Variants in PHACTR1 observed in about 807,000 individuals in gnomAD.
PHACTR1 encodes RPEL repeat containing 1.
PHACTR1 carries 16 observed loss-of-function variants against 69.2 expected under a neutral mutation model. That is an observed-to-expected ratio of 0.23 (90% CI 0.16 to 0.35). The LOEUF is 0.35. Ranked by LOEUF, PHACTR1 falls within the 10% of genes least tolerant of loss-of-function variation. PHACTR1 has a pLI of 1.00. For missense variants in PHACTR1, 510 were observed against 734.7 expected (o/e 0.69, Z 3.54); for synonymous variants, 312 against 284.5 (o/e 1.10, Z -0.97).
intron 4 of PHACTR1, among the ~76,000 whole-genome samples, chr6:12,866,832 G>A (rs1452372734): frequency 3.3e-5 from 5 of 152,208 alleles, no homozygotes; most frequent in East Asian, 1.9e-4. Flanking sequence ...CAAGTGGCCC[G>A]TAGGTGCTAA....
chr6:13,225,593 T>G (rs1769490747), intron 8 of PHACTR1, among the ~76,000 whole-genome samples: 1 of 152,202 alleles, frequency 6.6e-6, no homozygotes, highest in South Asian at 2.1e-4. Flanking sequence ...CTTTGCATTT[T>G]TCTCTCTTCT....
At chr6:12,825,538 G>T (rs1776703191) in intron 4 of PHACTR1, among the ~76,000 whole-genome samples, 1 of 152,162 alleles carries the variant, frequency 6.6e-6, no homozygotes, top group African/African-American at 2.4e-5. Flanking sequence ...CAGCCAATTT[G>T]TATTTTGAAG....
intron 4 of PHACTR1, among the ~76,000 whole-genome samples, chr6:12,817,792 T>C (rs9395143): frequency 0.98 from 149,722 of 152,108 alleles, 73,732 homozygotes; most frequent in Middle Eastern, 1. Context: ...GGAAGATCAC[T>C]ACCAATTAAA....
At chr6:13,212,049 G>C (rs1479814991) in intron 8 of PHACTR1, among the ~76,000 whole-genome samples, 1 of 152,142 alleles carries the variant, frequency 6.6e-6, no homozygotes, top group Non-Finnish European at 1.5e-5. Context: ...GCTTGTAGGT[G>C]GTGTCTTCTC....
intron 3 of PHACTR1, among the ~76,000 whole-genome samples, chr6:12,729,550 A>G (rs981393270): frequency 2.0e-5 from 3 of 152,192 alleles, no homozygotes; most frequent in African/African-American, 7.2e-5. Flanking sequence ...GTAGAGGTGG[A>G]GAATGGCGTA....
At chr6:13,000,854 T>C (rs1249839911) in intron 4 of PHACTR1, among the ~76,000 whole-genome samples, 2 of 152,240 alleles carry the variant, frequency 1.3e-5, no homozygotes, top group African/African-American at 4.8e-5. Flanking sequence ...TTTATGTTTC[T>C]TTCTTCCCCA....
intron 5 of PHACTR1, among the ~76,000 whole-genome samples, chr6:13,155,557 A>G (rs1041780827): frequency 6.6e-6 from 1 of 152,118 alleles, no homozygotes; most frequent in Admixed American, 6.5e-5. Flanking sequence ...ACCAGAAGAG[A>G]GGTGTCATGC....
chr6:12,794,809 T>C (rs1772768336), intron 4 of PHACTR1, among the ~76,000 whole-genome samples: 2 of 152,008 alleles, frequency 1.3e-5, no homozygotes, highest in Admixed American at 1.3e-4. Flanking sequence ...GAGTAAGTGG[T>C]GTGAGTGTGA....
At chr6:13,072,266 A>G (rs6458616) in intron 5 of PHACTR1, among the ~76,000 whole-genome samples, 46,382 of 152,068 alleles carry the variant, frequency 0.31, 8,588 homozygotes, top group African/African-American at 0.51. Flanking sequence ...GGATACATTA[A>G]TTAAATGCCT....
chr6:13,049,958 C>A (rs1805667854), intron 4 of PHACTR1, among the ~76,000 whole-genome samples: 1 of 151,998 alleles, frequency 6.6e-6, no homozygotes, highest in African/African-American at 2.4e-5. Flanking sequence ...AAAATGTGGA[C>A]AAAAGCAACA....
At chr6:12,949,250 C>T (rs912448264) in intron 4 of PHACTR1, among the ~76,000 whole-genome samples, 1 of 93,630 alleles carries the variant, frequency 1.1e-5, no homozygotes, top group East Asian at 3.1e-4. Context: ...GCCTGGGCAA[C>T]AAGAGCGAAA....
intron 5 of PHACTR1, among the ~76,000 whole-genome samples, chr6:13,144,041 G>A (rs942213774): frequency 1.3e-5 from 2 of 152,030 alleles, no homozygotes; most frequent in African/African-American, 4.8e-5. Context: ...AGAAATAGAA[G>A]GGAACTTCTA....
At chr6:12,809,890 C>T (rs1022548794) in intron 4 of PHACTR1, among the ~76,000 whole-genome samples, 3 of 152,132 alleles carry the variant, frequency 2.0e-5, no homozygotes, top group Admixed American at 6.5e-5. Flanking sequence ...ATGGCTAAAA[C>T]AATAAATACA....
At chr6:13,204,614 C>T (rs1277213642) in intron 7 of PHACTR1, among the ~76,000 whole-genome samples, 1 of 152,132 alleles carries the variant, frequency 6.6e-6, no homozygotes, top group East Asian at 1.9e-4. Context: ...TCATGGAACC[C>T]AGCAGTTGGT....
At chr6:13,180,629 T>C (rs1274361875) in intron 6 of PHACTR1, among the ~76,000 whole-genome samples, 1 of 152,252 alleles carries the variant, frequency 6.6e-6, no homozygotes, top group East Asian at 1.9e-4. Context: ...TCCAGCACTT[T>C]TATTATACTT....
intron 13 of PHACTR1, among the ~76,000 whole-genome samples, chr6:13,285,486 C>T (rs1047759245): frequency 3.3e-5 from 5 of 152,184 alleles, no homozygotes; most frequent in East Asian, 1.9e-4. Flanking sequence ...CCTTCTTTAC[C>T]AGCCCCTCCT....
At chr6:12,881,766 T>C (rs1783121078) in intron 4 of PHACTR1, among the ~76,000 whole-genome samples, 1 of 152,156 alleles carries the variant, frequency 6.6e-6, no homozygotes, top group Admixed American at 6.6e-5. Context: ...TACTAAACAC[T>C]ATTAAACTCA....
intron 4 of PHACTR1, among the ~76,000 whole-genome samples, chr6:12,993,559 C>T (rs1321163549): frequency 6.6e-6 from 1 of 152,130 alleles, no homozygotes; most frequent in Non-Finnish European, 1.5e-5. Flanking sequence ...CAGGCGAGAG[C>T]TAAGACTCTG....
chr6:12,997,331 T>A (rs1218878058), intron 4 of PHACTR1, among the ~76,000 whole-genome samples: 2 of 147,800 alleles, frequency 1.4e-5, no homozygotes, highest in East Asian at 1.9e-4. Context: ...TAAATATATT[T>A]TATATATATA....
Sources: allele counts gnomAD v4.1 joint callset (sites outside exome capture counted in the v4.1 genomes callset), GRCh38; gene constraint gnomAD v4.1.1; transcripts MANE v1.5; gene names NCBI Gene and HGNC (gene_info 2026-07-23, HGNC 2026-07-21).